The following MICAL2 variants were observed in gnomAD, a reference collection of about 807,000 sequenced individuals.
MICAL2 encodes the protein microtubule associated monooxygenase, calponin and LIM domain containing 2, also known as [F-actin]-monooxygenase MICAL2.
Under a neutral mutation model 127.3 loss-of-function variants are expected in MICAL2, and 77 were observed. The ratio of observed to expected loss-of-function variants is 0.60; its 90% CI spans 0.50 to 0.73. The LOEUF (loss-of-function observed/expected upper bound fraction) is 0.73. Ranked by LOEUF, MICAL2 falls within the 30% of genes least tolerant of loss-of-function variation. MICAL2 has a pLI of 0.00. For synonymous variants in MICAL2, 570 were observed against 551.1 expected (o/e 1.03, Z -0.48); for missense variants, 1,351 against 1,434.4 (o/e 0.94, Z 0.94).
At chr11:12,245,855 G>A (rs1860663959) in intron 21 of MICAL2, among the ~76,000 whole-genome samples, 1 of 152,206 alleles carries the variant, frequency 6.6e-6, no homozygotes, top group Non-Finnish European at 1.5e-5. Context: ...CCTACTACGG[G>A]AAAAGGTCAT....
At chr11:12,232,001 C>T (rs2131771) in intron 15 of MICAL2, among the ~76,000 whole-genome samples, 40,728 of 152,126 alleles carry the variant, frequency 0.27, 6,492 homozygotes, top group East Asian at 0.5. Context: ...CAGAAATCTC[C>T]TTTGCTTGTC....
chr11:12,195,597 A>T (rs1432638782), intron 3 of MICAL2, among the ~76,000 whole-genome samples: 3 of 152,142 alleles, frequency 2.0e-5, no homozygotes, highest in Non-Finnish European at 4.4e-5. Context: ...GGAAAATATA[A>T]AAGTAGATGC....
chr11:12,279,398 C>T (rs907297724), intron 1 of MICAL2, among the ~76,000 whole-genome samples: 1 of 152,118 alleles, frequency 6.6e-6, no homozygotes, highest in Non-Finnish European at 1.5e-5. Flanking sequence ...GTCATGCAGA[C>T]TCTGGAATGG....
chr11:12,159,205 GTTCA>G (rs971369533), intron 2 of MICAL2, among the ~76,000 whole-genome samples: 2 of 152,296 alleles, frequency 1.3e-5, no homozygotes, highest in African/African-American at 4.8e-5. Context: ...AGACGAAGTT[GTTCA>G]TTCTTCTTCT....
Position 12,231,623 on chromosome 11 carries a change from C to A in MICAL2, c.1995+4492C>A, listed in dbSNP as rs145916219. Reference sequence around the variant, plus strand: ...GTGAACGAAACAAGCGAGGACCCTGCGTAGGCAGCTTACCTTCTAGTGGGA... The same window carrying A: ...GTGAACGAAACAAGCGAGGACCCTGAGTAGGCAGCTTACCTTCTAGTGGGA... On this transcript the variant is annotated intron_variant, in intron 15 of 27. Transcript: ENST00000683283. Among the ~76,000 whole-genome samples the A allele has an allele frequency of 2.8e-3, 434 of 152,346 alleles. 3 individuals carry two copies. Among genetic ancestry groups the A allele is most frequent in the Middle Eastern group, 0.01 (3 of 294 alleles).
chr11:12,162,153 A>G lies in MICAL2; in HGVS notation c.-3A>G. On this transcript the variant is annotated 5_prime_UTR_variant, in exon 3 of 28. Transcript: ENST00000683283. The stretch of plus-strand genomic sequence containing the variant: ...CACCACTGCCGCACACGACTCCTGA[A>G]CCATGGGGGAAAACGAGGATGAGAA... 6.2e-7 allele frequency: 1 copy of G among 1,614,074 alleles called. No homozygotes were observed. The highest frequency in any genetic ancestry group is 8.5e-7 in the Non-Finnish European group (1 of 1,180,026).
chr11:12,297,041 C>T (rs887788427), downstream of MICAL2, among the ~76,000 whole-genome samples: 8 of 152,018 alleles, frequency 5.3e-5, no homozygotes, highest in Admixed American at 3.9e-4. Flanking sequence ...TAAGCATGTG[C>T]GTGAATTTAT....
At chr11:12,191,315 T>C (rs1379114594) in intron 3 of MICAL2, among the ~76,000 whole-genome samples, 1 of 144,308 alleles carries the variant, frequency 6.9e-6, no homozygotes, top group African/African-American at 2.6e-5. Context: ...AAAAAAAAAA[T>C]AGAAAAATTA....
At chr11:12,345,036 C>T (rs1198637818) in intron 32 of MICAL2, among the ~76,000 whole-genome samples, 5 of 150,656 alleles carry the variant, frequency 3.3e-5, no homozygotes, top group African/African-American at 4.9e-5. Flanking sequence ...GGTGTGAACC[C>T]GGGAGGCGGA....
At chr11:12,276,604 G>A (rs902429159) in intron 1 of MICAL2, 3 of 153,954 alleles carry the variant, frequency 1.9e-5, no homozygotes, top group African/African-American at 7.2e-5. Context: ...TGGTGCCTTA[G>A]GTGACTGTTT....
At chr11:12,210,572 C>T (rs1361946639) in intron 6 of MICAL2, among the ~76,000 whole-genome samples, 1 of 152,192 alleles carries the variant, frequency 6.6e-6, no homozygotes. Flanking sequence ...ATACCCACCT[C>T]GCCAACCATA....
At chr11:12,223,698 A>T (rs1857086530) in intron 12 of MICAL2, among the ~76,000 whole-genome samples, 197 bp downstream of exon 12, 1 of 152,162 alleles carries the variant, frequency 6.6e-6, no homozygotes, top group Non-Finnish European at 1.5e-5. Context: ...CTGCCCAGAG[A>T]ATCATTATGA....
rs143472140 is a variant in MICAL2 at position 12,244,313 on chromosome 11, G to A, written c.2784+201G>A. 1.6e-3 allele frequency among the ~76,000 whole-genome samples: 249 copies of A among 152,300 alleles called. 1 individual carries two copies. Among genetic ancestry groups the A allele is most frequent in the African/African-American group, 5.8e-3 (240 of 41,552 alleles). ...CAGAACAGGCAGTGTACAAAAGCTT[G>A]CCAAACAGGGCTCATTCATTCAGCA... is the stretch of plus-strand genomic sequence containing the variant. On this transcript the variant is annotated intron_variant, in intron 21 of 27. Transcript: ENST00000683283.
chr11:12,347,476 TGATA>T (rs1443409736), intron 32 of MICAL2, among the ~76,000 whole-genome samples: 2 of 152,292 alleles, frequency 1.3e-5, no homozygotes, highest in African/African-American at 4.8e-5. Context: ...AGGAGGTGTC[TGATA>T]GATAGATGTT....
intron 2 of MICAL2, among the ~76,000 whole-genome samples, chr11:12,160,822 G>A (rs1854698135): frequency 6.6e-6 from 1 of 152,242 alleles, no homozygotes; most frequent in Non-Finnish European, 1.5e-5. Flanking sequence ...GGCCCCTTGA[G>A]TGGTGCCCGA....
chr11:12,294,336 CTT>C (rs1219794295), downstream of MICAL2: 8 of 1,614,200 alleles, frequency 5.0e-6, no homozygotes, highest in Admixed American at 1.7e-5. Context: ...GAATCCAAAA[CTT>C]TGCCCGCACA....
At chr11:12,188,375 G>T (rs1858599464) in intron 3 of MICAL2, among the ~76,000 whole-genome samples, 1 of 152,132 alleles carries the variant, frequency 6.6e-6, no homozygotes, top group African/African-American at 2.4e-5. Flanking sequence ...TTCTTAACTG[G>T]TGGCTGTTTT....
chr11:12,285,427 A>G (rs940978041), intron 2 of MICAL2, among the ~76,000 whole-genome samples: 6 of 152,194 alleles, frequency 3.9e-5, no homozygotes, highest in Non-Finnish European at 7.3e-5. Flanking sequence ...GTCCCCAGGC[A>G]GGAAGGGGGT....
At chr11:12,147,534 A>G (rs1853068067) in intron 2 of MICAL2, among the ~76,000 whole-genome samples, 2 of 152,242 alleles carry the variant, frequency 1.3e-5, no homozygotes, top group Admixed American at 6.5e-5. Context: ...ATAGAAAATA[A>G]ATTTAAAAAT....
Sources: gnomAD v4.1 joint callset for allele counts (sites outside exome capture counted in the v4.1 genomes callset) on GRCh38, gnomAD v4.1.1 for gene constraint, MANE v1.5 for transcripts, NCBI Gene and HGNC (gene_info 2026-07-23, HGNC 2026-07-21) for gene names.